GRM7: variants seen among roughly 807,000 people sequenced by gnomAD.
The protein encoded by GRM7 is glutamate metabotropic receptor 7.
GRM7 carries 35 observed loss-of-function variants against 84.5 expected under a neutral mutation model. The observed-to-expected ratio is 0.41, with a 90% CI of 0.32 to 0.55. The LOEUF is 0.55. Among genes scored for constraint, GRM7 ranks in the 20% least tolerant of loss-of-function variants. GRM7 has a pLI of 0.19. For missense variants in GRM7, 1,003 were observed against 1,194.6 expected (o/e 0.84, Z 2.36); for synonymous variants, 487 against 455.1 (o/e 1.07, Z -0.89).
At chr3:6,929,420 A>C (rs1697420041) in intron 1 of GRM7, among the ~76,000 whole-genome samples, 1 of 152,200 alleles carries the variant, frequency 6.6e-6, no homozygotes, top group African/African-American at 2.4e-5. Flanking sequence ...AACTAGTGAA[A>C]GGTATGGGAA....
intron 2 of GRM7, among the ~76,000 whole-genome samples, chr3:7,285,409 T>G (rs996636123): frequency 9.2e-5 from 14 of 152,164 alleles, no homozygotes; most frequent in African/African-American, 3.1e-4. Context: ...CAAACCTGTG[T>G]TGTTATCGTG....
intron 2 of GRM7, among the ~76,000 whole-genome samples, chr3:7,163,028 G>A (rs956575440): frequency 1.3e-4 from 19 of 151,838 alleles, no homozygotes; most frequent in Non-Finnish European, 2.4e-4. Flanking sequence ...TCAAAGTGCT[G>A]GGATTACAGG....
intron 9 of GRM7, among the ~76,000 whole-genome samples, chr3:7,735,593 G>C (rs1241114825): frequency 7.2e-5 from 11 of 152,160 alleles, no homozygotes. Context: ...TTAGATGGCT[G>C]AGTGAAAAAA....
intron 1 of GRM7, among the ~76,000 whole-genome samples, chr3:7,024,069 G>T (rs1695883820): frequency 1.3e-5 from 2 of 152,134 alleles, no homozygotes; most frequent in African/African-American, 4.8e-5. Context: ...CGGTTCAAGT[G>T]GCTCCGGTAA....
intron 4 of GRM7, among the ~76,000 whole-genome samples, chr3:7,387,051 C>T (rs1323482876): frequency 2.0e-5 from 3 of 152,052 alleles, no homozygotes; most frequent in Non-Finnish European, 4.4e-5. Context: ...AGTTTATTGG[C>T]CATGTTTATG....
At chr3:7,439,283 T>C (rs73810651) in intron 5 of GRM7, among the ~76,000 whole-genome samples, 173 of 152,328 alleles carry the variant, frequency 1.1e-3, no homozygotes, top group African/African-American at 4.1e-3. Context: ...TGTTTCTCTT[T>C]AGAGCAAAGG....
intron 8 of GRM7, among the ~76,000 whole-genome samples, chr3:7,626,581 C>T (rs1442506157): frequency 1.3e-5 from 2 of 152,296 alleles, no homozygotes; most frequent in Non-Finnish European, 2.9e-5. Flanking sequence ...TGCCAAGCTG[C>T]AGACAGCAAT....
chr3:7,362,558 G>A (rs1344646881), intron 4 of GRM7, among the ~76,000 whole-genome samples: 1 of 151,850 alleles, frequency 6.6e-6, no homozygotes, highest in African/African-American at 2.4e-5. Context: ...CCTTTCACGT[G>A]TTAGCTTATG....
chr3:7,064,654 CAT>C lies in GRM7; in HGVS notation c.520-81797_520-81796del, dbSNP rs560479994. Among the ~76,000 whole-genome samples the C allele has an allele frequency of 5.3e-5, 8 of 150,764 alleles. No homozygotes were observed. The South Asian group carries it at 6.3e-4, about 12-fold the overall frequency. On this transcript the variant is annotated intron_variant, in intron 1 of 9. Transcript: ENST00000357716. ...CAATTGTGAATTGTGCTGCTATAAA[CAT>C]GTGTGTGCAAGTATCTTTTTCGAAT...
chr3:7,211,694 G>T lies in GRM7; in HGVS notation c.736+65026G>T, dbSNP rs1409620798. 2.1e-5 allele frequency among the ~76,000 whole-genome samples: 3 copies of T among 139,674 alleles called. No individual in the cohort carries two copies. In the East Asian group the frequency reaches 6.2e-4, roughly 29 times the overall value. 91.6% of individuals were successfully genotyped at this position (139,674 alleles called of 152,430 possible). ...TCACACTGAAGGGAAAAAATTCTTTGTTGCGGATGTCAACAGGAATAGCTA... is the reference window on the plus strand; with the variant it reads ...TCACACTGAAGGGAAAAAATTCTTTTTTGCGGATGTCAACAGGAATAGCTA... On this transcript the variant is annotated intron_variant, in intron 2 of 9. Transcript: ENST00000357716.
chr3:7,144,386 C>A (rs1425399280), intron 1 of GRM7, among the ~76,000 whole-genome samples: 5 of 152,080 alleles, frequency 3.3e-5, no homozygotes, highest in Admixed American at 3.3e-4. Context: ...ACTTTTAGAA[C>A]ATGACTGGTA....
At chr3:7,704,403 A>T (rs1379543580) in intron 9 of GRM7, among the ~76,000 whole-genome samples, 1 of 152,196 alleles carries the variant, frequency 6.6e-6, no homozygotes, top group Non-Finnish European at 1.5e-5. Flanking sequence ...ACATAAATGA[A>T]AAACACTGAG....
intron 1 of GRM7, among the ~76,000 whole-genome samples, chr3:7,075,539 TG>T (rs1169775374): frequency 7.1e-6 from 1 of 140,470 alleles, no homozygotes; most frequent in African/African-American, 2.5e-5. Context: ...TGTGTGTGTG[TG>T]TGTGTTTGGA....
intron 7 of GRM7, among the ~76,000 whole-genome samples, chr3:7,475,587 T>G (rs537912628): frequency 6.6e-6 from 1 of 152,328 alleles, no homozygotes; most frequent in East Asian, 1.9e-4. Flanking sequence ...AGCTCTTCAC[T>G]TTCTCGTCAC....
chr3:7,489,317 T>C (rs780284135), intron 7 of GRM7, among the ~76,000 whole-genome samples: 1 of 152,196 alleles, frequency 6.6e-6, no homozygotes. Context: ...TCCACTGATA[T>C]CACCATATGT....
At chr3:7,001,394 C>T (rs7619261) in intron 1 of GRM7, among the ~76,000 whole-genome samples, 8 of 152,162 alleles carry the variant, frequency 5.3e-5, no homozygotes, top group Non-Finnish European at 7.4e-5. Context: ...TGTTTGTGCA[C>T]GTGAATATGC....
chr3:7,308,230 G>T (rs1184940967), intron 4 of GRM7, among the ~76,000 whole-genome samples: 1 of 147,010 alleles, frequency 6.8e-6, no homozygotes, highest in South Asian at 2.2e-4. Context: ...TACACTGTTT[G>T]GTTGATTGAC....
chr3:7,339,274 A>G (rs1701544451), intron 4 of GRM7, among the ~76,000 whole-genome samples: 1 of 152,134 alleles, frequency 6.6e-6, no homozygotes, highest in Non-Finnish European at 1.5e-5. Flanking sequence ...AATCAAAAAA[A>G]CAAAAACCAA....
chr3:7,076,014 GA>G (rs201357531), intron 1 of GRM7, among the ~76,000 whole-genome samples: 2 of 150,838 alleles, frequency 1.3e-5, no homozygotes, highest in African/African-American at 4.9e-5. Flanking sequence ...TTTTAGAGGG[GA>G]AAAAAAGAAA....
Sources: gnomAD v4.1 joint callset for allele counts (sites outside exome capture counted in the v4.1 genomes callset) on GRCh38, gnomAD v4.1.1 for gene constraint, MANE v1.5 for transcripts, NCBI Gene and HGNC (gene_info 2026-07-23, HGNC 2026-07-21) for gene names.